The following APOO variants were observed in gnomAD, a reference collection of about 807,000 sequenced individuals.
The protein encoded by APOO is apolipoprotein O, also known as MICOS complex subunit MIC26.
Under a neutral mutation model 23.1 loss-of-function variants are expected in APOO, and 11 were observed. The ratio of observed to expected loss-of-function variants is 0.48; its 90% confidence interval spans 0.30 to 0.79. APOO has a LOEUF of 0.79. Among genes scored for constraint, APOO ranks in the 30% least tolerant of loss-of-function variants. APOO has a pLI of 0.07. For missense variants in APOO, 160 were observed against 142.7 expected (o/e 1.12, Z -0.62); for synonymous variants, 59 against 54.8 (o/e 1.08, Z -0.34).
At chrX:23,875,391 AT>A (rs1188105991) in intron 3 of APOO, among the ~76,000 whole-genome samples, 9 of 102,920 alleles carry the variant, frequency 8.7e-5, no homozygotes, top group Non-Finnish European at 1.2e-4. Context: ...TTGGGAAAGG[AT>A]TTTTTTTTTA....
At chrX:23,903,444 C>T (rs1173976126) in intron 1 of APOO, among the ~76,000 whole-genome samples, 1 of 110,877 alleles carries the variant, frequency 9.0e-6, no homozygotes, top group Non-Finnish European at 1.9e-5. Flanking sequence ...TAACAAGAGT[C>T]ACATGCCCAT....
intron 8 of APOO, chrX:23,837,378 C>T: frequency 5.6e-6 from 4 of 717,922 alleles, no homozygotes; most frequent in Non-Finnish European, 8.2e-6. Context: ...AATATAATTA[C>T]AATTATATGC....
At chrX:23,888,267 C>T (rs769310940) in intron 1 of APOO, among the ~76,000 whole-genome samples, 55 of 112,293 alleles carry the variant, frequency 4.9e-4, no homozygotes, top group African/African-American at 1.6e-3. Flanking sequence ...AGGCTGTCAT[C>T]ATCTTAAAGA....
chrX:23,870,428 T>C (rs1181289847), intron 4 of APOO, among the ~76,000 whole-genome samples: 1 of 111,741 alleles, frequency 8.9e-6, no homozygotes, highest in Non-Finnish European at 1.9e-5. Context: ...TAATGATAGA[T>C]TGCTTACACT....
intron 8 of APOO, among the ~76,000 whole-genome samples, chrX:23,837,505 A>C (rs1482328923): frequency 9.1e-6 from 1 of 110,327 alleles, no homozygotes; most frequent in Non-Finnish European, 1.9e-5. Context: ...CAGATAAATA[A>C]CAGTAAAAAG....
chrX:23,903,885 G>A (rs1411129322), intron 1 of APOO, among the ~76,000 whole-genome samples: 1 of 110,792 alleles, frequency 9.0e-6, no homozygotes, highest in African/African-American at 3.3e-5. Flanking sequence ...CACAGCTGAG[G>A]TATTCTCTCT....
At chrX:23,867,593 A>T (rs1453582998) in intron 5 of APOO, among the ~76,000 whole-genome samples, 2 of 111,431 alleles carry the variant, frequency 1.8e-5, no homozygotes, top group Non-Finnish European at 3.8e-5. Context: ...CCCAGGCTGA[A>T]GTGCAGTGGC....
intron 7 of APOO, among the ~76,000 whole-genome samples, chrX:23,848,592 G>C (rs1268027223): frequency 9.0e-6 from 1 of 111,437 alleles, no homozygotes; most frequent in Non-Finnish European, 1.9e-5. Flanking sequence ...ACTATAACTG[G>C]GTAACTAGTA....
intron 7 of APOO, among the ~76,000 whole-genome samples, chrX:23,844,330 C>G (rs897479512): frequency 8.9e-6 from 1 of 111,930 alleles, no homozygotes; most frequent in African/African-American, 3.2e-5. Context: ...AAGATGTCTT[C>G]TATTTCTGGA....
At chrX:23,893,404 G>A (rs1016793261) in intron 1 of APOO, among the ~76,000 whole-genome samples, 8 of 109,799 alleles carry the variant, frequency 7.3e-5, no homozygotes, top group Non-Finnish European at 1.5e-4. Flanking sequence ...CAGTCTGGGC[G>A]ACAGGGCAAG....
At chrX:23,876,659 C>G (rs1925870454) in intron 3 of APOO, among the ~76,000 whole-genome samples, 1 of 110,319 alleles carries the variant, frequency 9.1e-6, no homozygotes, top group African/African-American at 3.3e-5. Context: ...ATTATCTGGG[C>G]TTGGTAGCAC....
rs186557841 is a variant in APOO, at chrX:23,852,506, C to T, written c.561+3796G>A. Among the ~76,000 whole-genome samples the T allele has an allele frequency of 7.6e-3, 827 of 109,196 alleles. 2 individuals are homozygous for T. Among genetic ancestry groups the T allele is most frequent in the Non-Finnish European group, 0.011 (583 of 52,445 alleles). 94.8% of individuals were successfully genotyped at this position (109,196 alleles called of 115,157 possible). A position where few individuals can be genotyped will look rare whatever the true frequency, so the allele number is the denominator to read the frequency against. On this transcript the variant is annotated intron_variant, in intron 7 of 8. Transcript: ENST00000379226. ...CTATGTACCTGTAATCCCAGCTACT[C>T]GTGAGGCTGAGGCAGGAGAATCGCT...
chrX:23,849,817 A>G (rs1203086049), intron 7 of APOO, among the ~76,000 whole-genome samples: 1 of 107,347 alleles, frequency 9.3e-6, no homozygotes, highest in Non-Finnish European at 1.9e-5. Flanking sequence ...GCTTGAACCC[A>G]GAAGGCAGAG....
chrX:23,865,720 G>A (rs1349470139), intron 5 of APOO, among the ~76,000 whole-genome samples: 3 of 110,636 alleles, frequency 2.7e-5, no homozygotes, highest in East Asian at 2.8e-4. Context: ...GCTACCCACA[G>A]ACATCCCTAT....
intron 4 of APOO, 45 bp from the exon 5 acceptor site, chrX:23,868,733 T>A (rs775648875): frequency 9.3e-7 from 1 of 1,073,434 alleles, no homozygotes; most frequent in Non-Finnish European, 1.3e-6. Context: ...AATTTCTCAT[T>A]AAAAAACAAA....
rs1333833563 is a variant in APOO at position 23,856,325 on chromosome X, A to C, written c.538T>G (p.Leu180Val). The change falls in exon 7 of 9, where the codon TTG (leucine) becomes GTG (valine). Residue 180 changes from leucine to valine, a missense_variant. Physicochemically the swap from Leu to Val is conservative, Grantham distance 32. Coordinates refer to ENST00000379226, the MANE Select transcript of APOO (RefSeq NM_024122.5). ...GLRGYIVIEDLWKENFQKPGN... is the reference protein window; with the variant it reads ...GLRGYIVIEDVWKENFQKPGN... ...ACCTTTTGAAAGTTCTCCTTCCACA[A>C]ATCTTCTATGACTATATATCCTCGT... The C allele has an allele frequency of 1.5e-5, 18 of 1,208,360 alleles. No homozygotes were observed. Among genetic ancestry groups the C allele is most frequent in the Admixed American group, 2.2e-5 (1 of 45,430 alleles).
intron 5 of APOO, among the ~76,000 whole-genome samples, chrX:23,861,796 CTTT>C (rs10706916): frequency 1.5e-5 from 1 of 67,501 alleles, no homozygotes. Flanking sequence ...ACAGGGAGTT[CTTT>C]TTTTTTTTTT....
At chrX:23,844,654 TC>T (rs1924153107) in intron 7 of APOO, among the ~76,000 whole-genome samples, 1 of 111,039 alleles carries the variant, frequency 9.0e-6, no homozygotes, top group Admixed American at 9.7e-5. Flanking sequence ...GGAAAGAAAT[TC>T]CCCCCTAGGG....
chrX:23,904,708 A>G (rs933244915), intron 1 of APOO, among the ~76,000 whole-genome samples: 3 of 109,689 alleles, frequency 2.7e-5, no homozygotes, highest in East Asian at 2.9e-4. Flanking sequence ...GGGTTTCACC[A>G]TGTTAGCCAG....
Sources: allele counts gnomAD v4.1 joint callset (sites outside exome capture counted in the v4.1 genomes callset), GRCh38; gene constraint gnomAD v4.1.1; transcripts MANE v1.5; gene names NCBI Gene and HGNC (gene_info 2026-07-23, HGNC 2026-07-21).